GRIA2: variants seen among roughly 807,000 people sequenced by gnomAD.
The protein encoded by GRIA2 is glutamate ionotropic receptor AMPA type subunit 2.
A neutral mutation model predicts 97.3 loss-of-function variants in GRIA2; 14 were observed. That is an observed-to-expected ratio of 0.14 (90% CI 0.10 to 0.23). GRIA2 has a LOEUF of 0.23. Among genes scored for constraint, GRIA2 ranks in the 10% least tolerant of loss-of-function variants. GRIA2 has a pLI of 1.00. For synonymous variants in GRIA2, 412 were observed against 387.8 expected, an observed-to-expected ratio of 1.06 and a Z score of -0.73; for missense variants, 558 against 1,069.8, an observed-to-expected ratio of 0.52 and a Z score of 6.67.
Position 157,256,212 on chromosome 4 carries a change from TATATATA to T in GRIA2, c.229+34427_229+34433del, listed in dbSNP as rs1219364036. On this transcript the variant is annotated intron_variant, in intron 2 of 15. Coordinates refer to ENST00000264426, the MANE Select transcript of GRIA2 (RefSeq NM_001083619.3). ...TATAACATATATTACATATATATGT[TATATATA>T]ATATATAATATATAATATATATATA... 2.5e-3 allele frequency among the ~76,000 whole-genome samples: 315 copies of T among 126,182 alleles called. 5 individuals carry two copies. The South Asian group carries it at 0.028, about 11-fold the overall frequency. The allele number at this position is 126,182 out of a possible 152,430, so 82.8% of individuals were successfully genotyped here.
At chr4:157,265,500 G>A (rs867245858) in intron 2 of GRIA2, among the ~76,000 whole-genome samples, 11 of 152,050 alleles carry the variant, frequency 7.2e-5, no homozygotes, top group Non-Finnish European at 1.3e-4. Context: ...AGTGTCCCAG[G>A]GATGAACAAA....
chr4:157,234,134 C>A (rs546234923), intron 2 of GRIA2, among the ~76,000 whole-genome samples: 1 of 152,134 alleles, frequency 6.6e-6, no homozygotes, highest in Admixed American at 6.6e-5. Context: ...AAATGGGGTT[C>A]ATTATAATGC....
At chr4:157,322,213 A>AAG (rs1247570735) in intron 6 of GRIA2, among the ~76,000 whole-genome samples, 1 of 137,154 alleles carries the variant, frequency 7.3e-6, no homozygotes, top group Admixed American at 7.3e-5. Flanking sequence ...GAGAGAGAGA[A>AAG]AGAGAGAGAG....
At chr4:157,258,540 T>C (rs1193550194) in intron 2 of GRIA2, among the ~76,000 whole-genome samples, 1 of 152,088 alleles carries the variant, frequency 6.6e-6, no homozygotes, top group Non-Finnish European at 1.5e-5. Flanking sequence ...TGCCCGAAAC[T>C]TCATTAGCAA....
intron 12 of GRIA2, among the ~76,000 whole-genome samples, chr4:157,359,540 T>G (rs1736544454): frequency 6.6e-6 from 1 of 152,170 alleles, no homozygotes; most frequent in Non-Finnish European, 1.5e-5. Context: ...CATTTAGGAT[T>G]TGGGCAGCAA....
chr4:157,307,889 C>T (rs1227707527), intron 3 of GRIA2, among the ~76,000 whole-genome samples: 1 of 152,130 alleles, frequency 6.6e-6, no homozygotes, highest in Non-Finnish European at 1.5e-5. Context: ...TAATTTTTTC[C>T]CTCATATTCC....
At chr4:157,317,058 C>G (rs1734356232) in intron 4 of GRIA2, among the ~76,000 whole-genome samples, 1 of 152,156 alleles carries the variant, frequency 6.6e-6, no homozygotes, top group East Asian at 1.9e-4. Flanking sequence ...TGATACTTTG[C>G]TCTCTAGAGC....
At chr4:157,333,440 A>T in intron 8 of GRIA2, 87 bp downstream of exon 8, 1 of 606,252 alleles carries the variant, frequency 1.6e-6, no homozygotes, top group East Asian at 2.8e-5. Flanking sequence ...AATTCTGGAG[A>T]TGTGTATTCA....
intron 11 of GRIA2, among the ~76,000 whole-genome samples, chr4:157,339,021 A>C (rs1735428583): frequency 6.6e-6 from 1 of 152,006 alleles, no homozygotes; most frequent in Admixed American, 6.6e-5. Flanking sequence ...TAATGTTAAT[A>C]GGACACATTT....
chr4:157,278,182 A>G (rs1038475447), intron 2 of GRIA2, among the ~76,000 whole-genome samples: 1 of 151,884 alleles, frequency 6.6e-6, no homozygotes, highest in East Asian at 1.9e-4. Context: ...AAGAAGATGA[A>G]CAAAGTCAGA....
chr4:157,225,890 C>A (rs938041456), intron 2 of GRIA2, among the ~76,000 whole-genome samples: 1 of 151,628 alleles, frequency 6.6e-6, no homozygotes, highest in African/African-American at 2.4e-5. Context: ...AAATCAATAG[C>A]AAATTTTAGG....
chr4:157,310,037 TTC>T (rs1198711892), intron 3 of GRIA2, among the ~76,000 whole-genome samples: 1 of 152,182 alleles, frequency 6.6e-6, no homozygotes, highest in Non-Finnish European at 1.5e-5. Context: ...GAATTTAGAT[TTC>T]TTTTTCTCTT....
At chr4:157,291,280 C>T (rs1454489535) in intron 2 of GRIA2, among the ~76,000 whole-genome samples, 2 of 151,896 alleles carry the variant, frequency 1.3e-5, no homozygotes, top group Non-Finnish European at 2.9e-5. Context: ...TGGTTTAGCT[C>T]CATCTTCTGG....
intron 3 of GRIA2, among the ~76,000 whole-genome samples, chr4:157,304,685 C>T (rs928725274): frequency 6.6e-6 from 1 of 152,132 alleles, no homozygotes; most frequent in African/African-American, 2.4e-5. Flanking sequence ...CCATACTGTG[C>T]TTCCCTCAGC....
intron 12 of GRIA2, among the ~76,000 whole-genome samples, chr4:157,350,584 A>C (rs1160733590): frequency 6.6e-6 from 1 of 151,756 alleles, no homozygotes; most frequent in Non-Finnish European, 1.5e-5. Context: ...AAAAAAAAAA[A>C]GGCTCTAATG....
chr4:157,238,260 CTG>C (rs763273064), intron 2 of GRIA2, among the ~76,000 whole-genome samples: 2 of 152,072 alleles, frequency 1.3e-5, no homozygotes, highest in African/African-American at 2.4e-5. Context: ...ATGTCATAAA[CTG>C]TGTATTTTTG....
intron 12 of GRIA2, among the ~76,000 whole-genome samples, chr4:157,352,365 T>C (rs1027050056): frequency 4.1e-4 from 63 of 152,188 alleles, no homozygotes; most frequent in Middle Eastern, 3.4e-3. Flanking sequence ...ATTGTAAAAT[T>C]TTTAGATTTT....
chr4:157,286,969 A>G (rs774259358), intron 2 of GRIA2, among the ~76,000 whole-genome samples: 5 of 151,548 alleles, frequency 3.3e-5, no homozygotes, highest in Non-Finnish European at 3.0e-5. Flanking sequence ...GTTTTCTAAA[A>G]TTTAAAATAT....
chr4:157,241,203 A>T (rs1384596976), intron 2 of GRIA2, among the ~76,000 whole-genome samples: 3 of 152,168 alleles, frequency 2.0e-5, no homozygotes, highest in Non-Finnish European at 4.4e-5. Flanking sequence ...TGATGGATAC[A>T]GATTTCTAGG....
Sources: allele counts gnomAD v4.1 joint callset (sites outside exome capture counted in the v4.1 genomes callset), GRCh38; gene constraint gnomAD v4.1.1; transcripts MANE v1.5; gene names NCBI Gene and HGNC (gene_info 2026-07-23, HGNC 2026-07-21).